CRTC1: variants seen among roughly 807,000 people sequenced by gnomAD.
The protein encoded by CRTC1 is CREB-regulated transcription coactivator 1.
Under a neutral mutation model 66.1 loss-of-function variants are expected in CRTC1, and 18 were observed. The ratio of observed to expected loss-of-function variants is 0.27; its 90% CI spans 0.19 to 0.40. The LOEUF is 0.40. Ranked by LOEUF, CRTC1 falls within the 10% of genes least tolerant of loss-of-function variation. The pLI is 1.00. For missense variants in CRTC1, 669 were observed against 887.9 expected, an observed-to-expected ratio of 0.75 and a Z score of 3.13; for synonymous variants, 416 against 398.8, an observed-to-expected ratio of 1.04 and a Z score of -0.51.
At chr19:18,719,557 T>C (rs1269450014) in intron 1 of CRTC1, among the ~76,000 whole-genome samples, 2 of 152,232 alleles carry the variant, frequency 1.3e-5, no homozygotes, top group East Asian at 3.8e-4. Context: ...GGGCCCATGG[T>C]AATGAGGGCA....
rs112940688 is a variant in CRTC1, at chr19:18,691,631, T to C, written c.126+7803T>C. Among the ~76,000 whole-genome samples, 760 of 151,008 alleles carry C rather than the reference T, an allele frequency of 5.0e-3. 5 individuals carry two copies. The highest frequency in any genetic ancestry group is 0.017 in the African/African-American group (716 of 41,082). Reference sequence around the variant, plus strand: ...AGCGATGTGGTCACAAGTCAAGGAATGCCCAGAGCCCCCAGAAGCTGGAAG... The same window carrying C: ...AGCGATGTGGTCACAAGTCAAGGAACGCCCAGAGCCCCCAGAAGCTGGAAG... On this transcript the variant is annotated intron_variant, in intron 1 of 13. Coordinates refer to ENST00000321949, the MANE Select transcript of CRTC1 (RefSeq NM_015321.3).
chr19:18,723,943 C>T (rs551938901), intron 1 of CRTC1, among the ~76,000 whole-genome samples: 4 of 152,222 alleles, frequency 2.6e-5, no homozygotes, highest in Non-Finnish European at 4.4e-5. Context: ...GGAGGATGCA[C>T]GTTGGCGTGT....
At chr19:18,726,238 C>T (rs905389699) in intron 1 of CRTC1, among the ~76,000 whole-genome samples, 1 of 152,254 alleles carries the variant, frequency 6.6e-6, no homozygotes, top group African/African-American at 2.4e-5. Context: ...GCTCAGCCGG[C>T]GCTCCCAGCC....
At chr19:18,758,501 C>T (rs2054543523) in intron 6 of CRTC1, among the ~76,000 whole-genome samples, 1 of 152,144 alleles carries the variant, frequency 6.6e-6, no homozygotes, top group Non-Finnish European at 1.5e-5. Flanking sequence ...CGAAAGTGTC[C>T]TGACAGTGCT....
Position 18,741,656 on chromosome 19 carries a change from T to A in CRTC1, c.127-1254T>A, listed in dbSNP as rs986262268. ...ACTGCTGGGAGGGACACTGTGGATG[T>A]TCATTGTGTATGTGTCTGGCCAGCG... On this transcript the variant is annotated intron_variant, in intron 1 of 13. Transcript: ENST00000321949. The surrounding 1 kb of genome is among the most constrained non-coding windows in gnomAD (Gnocchi z 4.2). Among the ~76,000 whole-genome samples, 15 of 152,150 alleles carry A rather than the reference T, an allele frequency of 9.9e-5. No homozygotes were observed. The highest frequency in any genetic ancestry group is 1.9e-4 in the Non-Finnish European group (13 of 68,012).
chr19:18,745,682 CA>C (rs1385722672), intron 2 of CRTC1, 140 bp from the exon 3 acceptor site: 8 of 1,070,990 alleles, frequency 7.5e-6, no homozygotes, highest in Non-Finnish European at 9.8e-6. Context: ...GGAAGAAGCC[CA>C]TCCCAGGCTG....
intron 2 of CRTC1, 82 bp from the exon 3 acceptor site, chr19:18,745,741 A>T: frequency 6.3e-7 from 1 of 1,576,236 alleles, no homozygotes; most frequent in Non-Finnish European, 8.7e-7. Flanking sequence ...CTGCGATCAG[A>T]CTCTGGGGCC....
intron 1 of CRTC1, among the ~76,000 whole-genome samples, chr19:18,684,159 C>T (rs746281888): frequency 4.0e-5 from 6 of 151,834 alleles, no homozygotes; most frequent in Non-Finnish European, 8.8e-5. Flanking sequence ...ACAGGTGTCC[C>T]TACATCATTG....
chr19:18,699,410 C>G (rs960019317), intron 1 of CRTC1, among the ~76,000 whole-genome samples: 2 of 152,196 alleles, frequency 1.3e-5, no homozygotes, highest in Non-Finnish European at 2.9e-5. Flanking sequence ...GTTCCAGGGT[C>G]AAATCCTCGG....
intron 1 of CRTC1, among the ~76,000 whole-genome samples, chr19:18,694,314 AAAAGAAG>A (rs2052931556): frequency 6.7e-6 from 1 of 148,502 alleles, no homozygotes; most frequent in South Asian, 2.1e-4. Flanking sequence ...AAAAAAAAAA[AAAAGAAG>A]AAGAGACGAA....
chr19:18,698,192 G>A (rs1316613902), intron 1 of CRTC1, among the ~76,000 whole-genome samples: 1 of 151,770 alleles, frequency 6.6e-6, no homozygotes, highest in African/African-American at 2.4e-5. Flanking sequence ...CAGGCACACA[G>A]TGTATACTCA....
chr19:18,756,596 A>G (rs1168132419), intron 6 of CRTC1, among the ~76,000 whole-genome samples: 1 of 147,922 alleles, frequency 6.8e-6, no homozygotes, highest in African/African-American at 2.5e-5. Flanking sequence ...CCTGGGCAAC[A>G]GAGCAAGACC....
intron 1 of CRTC1, among the ~76,000 whole-genome samples, chr19:18,730,839 T>C (rs2053870448): frequency 6.6e-6 from 1 of 152,102 alleles, no homozygotes; most frequent in Non-Finnish European, 1.5e-5. Context: ...CCCCTGGCTG[T>C]CTCCTCCTGG....
intron 9 of CRTC1, among the ~76,000 whole-genome samples, chr19:18,766,287 A>ATT (rs1020411277): frequency 0.11 from 12,366 of 109,238 alleles, 653 homozygotes; most frequent in East Asian, 0.15. Context: ...TGCCTGGCTA[A>ATT]TTTTTTTTTT....
At chr19:18,705,170 C>A (rs1020489166) in intron 1 of CRTC1, among the ~76,000 whole-genome samples, 1 of 152,128 alleles carries the variant, frequency 6.6e-6, no homozygotes, top group Non-Finnish European at 1.5e-5. Flanking sequence ...TTTGTTTATC[C>A]GTTCATCTGT....
chr19:18,741,879 A>G lies in CRTC1; in HGVS notation c.127-1031A>G, dbSNP rs1377493546. Reference sequence around the variant, plus strand: ...CCGCCTCCGGTGTCCAGGGCCCCCTAGGAAGCTGGGGCGGTGGGGCAGCCA... The same window carrying G: ...CCGCCTCCGGTGTCCAGGGCCCCCTGGGAAGCTGGGGCGGTGGGGCAGCCA... On this transcript the variant is annotated intron_variant, in intron 1 of 13. Coordinates refer to ENST00000321949, the MANE Select transcript of CRTC1 (RefSeq NM_015321.3). This position sits in a 1 kb window ranked among gnomAD's most constrained non-coding sequence, Gnocchi z 4.2. Among the ~76,000 whole-genome samples the G allele has an allele frequency of 6.6e-6, 1 of 152,056 alleles. No homozygotes were observed. Among genetic ancestry groups the G allele is most frequent in the Non-Finnish European group, 1.5e-5 (1 of 67,930 alleles).
rs761116009 is a variant in CRTC1, at chr19:18,771,482, C to T, written c.1361C>T (p.Pro454Leu). 2.5e-6 allele frequency: 4 copies of T among 1,613,732 alleles called. No individual in the cohort carries two copies. Among genetic ancestry groups the T allele is most frequent in the Non-Finnish European group, 3.4e-6 (4 of 1,179,802 alleles). Residue 454 changes from proline (P) to leucine (L), a missense_variant, in exon 11 of 14, where the codon CCG becomes CTG. By Grantham distance (98) the Pro-to-Leu change is moderately conservative. Around this residue, in one of 8 missense-constraint regions of CRTC1, gnomAD observed 4 missense variants for 16.9 expected, o/e 0.24. Coordinates refer to ENST00000321949, the MANE Select transcript of CRTC1 (RefSeq NM_015321.3). The surrounding 1 kb of genome is among the most constrained non-coding windows in gnomAD (Gnocchi z 4.6). ...LQQYRTSAGS[P>L]ANQSPTSPVS... ...CAGTACCGCACTAGCGCCGGCTCCC[C>T]GGCCAACCAGTCTCCCACCTCGCCA...
At chr19:18,709,251 G>A (rs548796937) in intron 1 of CRTC1, among the ~76,000 whole-genome samples, 16 of 152,154 alleles carry the variant, frequency 1.1e-4, no homozygotes, top group African/African-American at 3.6e-4. Flanking sequence ...CCTGGTGCCC[G>A]CAGCCTCCCT....
chr19:18,775,709 C>G lies in CRTC1; in HGVS notation c.1581C>G (p.Leu527=). ...SSSLYSPGST[L]NYSQAAMMGL... ...GCCTGTACAGCCCGGGCTCCACACT[C>G]AACTACTCGCAGGCGGCCATGATGG... The change falls in exon 13 of 14, where the codon CTC becomes CTG. Residue 527 remains leucine, a synonymous_variant. Coordinates refer to ENST00000321949, the MANE Select transcript of CRTC1 (RefSeq NM_015321.3). The G allele has an allele frequency of 6.2e-7, 1 of 1,612,754 alleles. No individual in the cohort carries two copies. The highest frequency in any genetic ancestry group is 1.1e-5 in the South Asian group (1 of 91,058).
Sources: gnomAD v4.1 joint callset for allele counts (sites outside exome capture counted in the v4.1 genomes callset) on GRCh38, gnomAD v4.1.1 for gene constraint, gnomAD v4.1.1 regional missense constraint, Gnocchi (gnomAD v3.1) non-coding constraint, MANE v1.5 for transcripts, NCBI Gene and HGNC (gene_info 2026-07-23, HGNC 2026-07-21) for gene names.